LRMDA: variants seen among roughly 807,000 people sequenced by gnomAD.
LRMDA encodes leucine rich melanocyte differentiation associated, also known as leucine-rich melanocyte differentiation-associated protein.
In LRMDA, 18 loss-of-function variants were observed where a neutral mutation model predicts 29.8. The observed-to-expected ratio is 0.60, with a 90% CI of 0.42 to 0.90. LRMDA has a LOEUF of 0.90. LRMDA is among the 40% of genes least tolerant of loss of function. LRMDA has a pLI of 0.00. For missense variants in LRMDA, 273 were observed against 273.9 expected, an observed-to-expected ratio of 1.00 and a Z score of 0.02; for synonymous variants, 125 against 109.4, an observed-to-expected ratio of 1.14 and a Z score of -0.89.
chr10:76,411,665 C>T (rs138269348), intron 6 of LRMDA, among the ~76,000 whole-genome samples: 5 of 152,286 alleles, frequency 3.3e-5, no homozygotes, highest in East Asian at 3.9e-4. Flanking sequence ...CATGTGCTGA[C>T]GGCTGTTCTG....
chr10:76,262,681 T>C (rs1187532991), intron 5 of LRMDA, among the ~76,000 whole-genome samples: 1 of 152,188 alleles, frequency 6.6e-6, no homozygotes, highest in African/African-American at 2.4e-5. Flanking sequence ...TAACTTCTCC[T>C]GTACAGATTC....
At chr10:76,493,439 A>G (rs559148600) in intron 6 of LRMDA, among the ~76,000 whole-genome samples, 24 of 152,210 alleles carry the variant, frequency 1.6e-4, no homozygotes, top group African/African-American at 5.8e-4. Context: ...CAGAAATGCC[A>G]TCAAAGAGCC....
intron 5 of LRMDA, among the ~76,000 whole-genome samples, chr10:76,075,159 G>A (rs188061394): frequency 9.8e-5 from 15 of 152,312 alleles, no homozygotes; most frequent in Admixed American, 6.5e-4. Context: ...ACCTGTGTCC[G>A]CTCAAAACTC....
At chr10:75,960,296 A>G (rs1387536485) in intron 2 of LRMDA, among the ~76,000 whole-genome samples, 7 of 152,228 alleles carry the variant, frequency 4.6e-5, no homozygotes, top group East Asian at 1.9e-4. Context: ...ACCCAAATCA[A>G]TCTCAATCTA....
intron 2 of LRMDA, among the ~76,000 whole-genome samples, chr10:75,658,789 C>T (rs553772624): frequency 6.6e-5 from 10 of 151,192 alleles, no homozygotes; most frequent in Non-Finnish European, 1.0e-4. Flanking sequence ...AGAATTTTCA[C>T]TGGGGGAAAT....
intron 6 of LRMDA, among the ~76,000 whole-genome samples, chr10:76,398,045 A>G (rs994510819): frequency 1.3e-5 from 2 of 152,198 alleles, no homozygotes; most frequent in South Asian, 2.1e-4. Flanking sequence ...TCTGAGTTCT[A>G]TTCTACTGTT....
At chr10:76,149,773 C>T (rs140724638) in intron 5 of LRMDA, among the ~76,000 whole-genome samples, 260 of 152,230 alleles carry the variant, frequency 1.7e-3, no homozygotes, top group African/African-American at 6.1e-3. Context: ...TGGAGTCTTC[C>T]ATTAAAATGC....
intron 2 of LRMDA, among the ~76,000 whole-genome samples, chr10:75,561,310 G>C (rs376372705): frequency 4.0e-5 from 6 of 149,752 alleles, no homozygotes; most frequent in Non-Finnish European, 7.4e-5. Context: ...AGATTTTCTA[G>C]TTTATTTGCG....
intron 5 of LRMDA, among the ~76,000 whole-genome samples, chr10:76,102,963 T>C (rs1276831245): frequency 6.6e-6 from 1 of 152,302 alleles, no homozygotes; most frequent in African/African-American, 2.4e-5. Flanking sequence ...CCTGCTTGAG[T>C]ACCTGTTTTC....
At chr10:75,806,691 C>T (rs1300207827) in intron 2 of LRMDA, among the ~76,000 whole-genome samples, 4 of 150,602 alleles carry the variant, frequency 2.7e-5, no homozygotes. Flanking sequence ...ATCCCGAGTA[C>T]CCCTTACAAA....
chr10:76,411,236 C>G (rs1332594397), intron 6 of LRMDA, among the ~76,000 whole-genome samples: 1 of 152,170 alleles, frequency 6.6e-6, no homozygotes, highest in Non-Finnish European at 1.5e-5. Flanking sequence ...TGCCCACCTA[C>G]CAAGTCATTT....
intron 2 of LRMDA, among the ~76,000 whole-genome samples, chr10:75,761,236 A>C (rs1484941229): frequency 6.6e-6 from 1 of 152,232 alleles, no homozygotes; most frequent in Non-Finnish European, 1.5e-5. Context: ...TTATACACCC[A>C]TGTTCATGGC....
chr10:76,458,232 A>T (rs1249286343), intron 6 of LRMDA, among the ~76,000 whole-genome samples: 1 of 152,056 alleles, frequency 6.6e-6, no homozygotes, highest in African/African-American at 2.4e-5. Context: ...CCTCCAGACA[A>T]GGGTGGGTTG....
At chr10:76,047,793 C>T (rs1848464998) in intron 4 of LRMDA, among the ~76,000 whole-genome samples, 1 of 152,150 alleles carries the variant, frequency 6.6e-6, no homozygotes, top group Non-Finnish European at 1.5e-5. Flanking sequence ...TGACTTCCCA[C>T]CAAAATTTAG....
intron 2 of LRMDA, among the ~76,000 whole-genome samples, chr10:75,873,547 T>C (rs184746541): frequency 6.6e-6 from 1 of 152,312 alleles, no homozygotes. Flanking sequence ...GGCAATGTTT[T>C]TGTGGTAAAC....
At chr10:76,016,752 G>A (rs1414872992) in intron 2 of LRMDA, among the ~76,000 whole-genome samples, 2 of 152,160 alleles carry the variant, frequency 1.3e-5, no homozygotes, top group Non-Finnish European at 2.9e-5. Context: ...CTTACACTAG[G>A]AATCAGAGGC....
At chr10:75,724,672 G>A (rs1425859290) in intron 2 of LRMDA, among the ~76,000 whole-genome samples, 1 of 152,062 alleles carries the variant, frequency 6.6e-6, no homozygotes, top group Non-Finnish European at 1.5e-5. Flanking sequence ...ATTGTAATAC[G>A]CTCATCTAAG....
At chr10:76,171,574 C>G (rs1282285344) in intron 5 of LRMDA, among the ~76,000 whole-genome samples, 5 of 152,160 alleles carry the variant, frequency 3.3e-5, no homozygotes, top group Admixed American at 6.5e-5. Context: ...ACTGCTCTGG[C>G]CTTTAGTTGC....
At chr10:76,521,021 C>A (rs374504793) in intron 6 of LRMDA, among the ~76,000 whole-genome samples, 1 of 152,142 alleles carries the variant, frequency 6.6e-6, no homozygotes, top group Admixed American at 6.5e-5. Flanking sequence ...TATTTCCTTG[C>A]AGTATTTCAT....
Sources: allele counts gnomAD v4.1 joint callset (sites outside exome capture counted in the v4.1 genomes callset), GRCh38; gene constraint gnomAD v4.1.1; transcripts MANE v1.5; gene names NCBI Gene and HGNC (gene_info 2026-07-23, HGNC 2026-07-21).